The following PUM2 variants were observed in gnomAD, a reference collection of about 807,000 sequenced individuals.
PUM2 encodes pumilio homolog 2.
In PUM2, 57 loss-of-function variants were observed where a neutral mutation model predicts 124.5. The observed-to-expected ratio is 0.46, with a 90% CI of 0.37 to 0.57. The LOEUF is 0.57. PUM2 is among the 20% of genes least tolerant of loss of function. The pLI is 0.00. For synonymous variants in PUM2, 460 were observed against 446.1 expected (o/e 1.03, Z -0.39); for missense variants, 1,065 against 1,290.6 (o/e 0.83, Z 2.68).
intron 1 of PUM2, among the ~76,000 whole-genome samples, chr2:20,344,498 C>A: frequency 6.6e-6 from 1 of 152,172 alleles, no homozygotes; most frequent in East Asian, 1.9e-4. Context: ...CCTGGACTGT[C>A]CATATTAGAT....
chr2:20,348,127 A>G (rs1481902478), intron 1 of PUM2, among the ~76,000 whole-genome samples: 2 of 152,064 alleles, frequency 1.3e-5, no homozygotes, highest in African/African-American at 2.4e-5. Context: ...GTTTGAGACC[A>G]GCCTGGGCAA....
intron 7 of PUM2, among the ~76,000 whole-genome samples, chr2:20,305,891 G>GAACAAAA (rs1189237198): frequency 1.3e-5 from 2 of 152,100 alleles, no homozygotes; most frequent in Admixed American, 6.5e-5. Context: ...CAGTAAACTT[G>GAACAAAA]AACAAAAATA....
In PUM2 at chr2:20,311,477, GA is replaced by G. The variant is rs1400101423; in HGVS notation, c.518+16del. 6.3e-7 allele frequency: 1 copy of G among 1,593,130 alleles called. No individual in the cohort carries two copies. Among genetic ancestry groups the G allele is most frequent in the Admixed American group, 1.8e-5 (1 of 55,598 alleles). ...TAAAAAGATACGCTTTTCTTCTTGA[GA>G]AAGTTAAAATCTTACTTAAAATCTT... On this transcript the variant is annotated intron_variant, in intron 5 of 20. Coordinates refer to ENST00000361078, the MANE Select transcript of PUM2 (RefSeq NM_015317.5).
chr2:20,348,485 T>C (rs1303965216), intron 1 of PUM2, among the ~76,000 whole-genome samples: 1 of 152,186 alleles, frequency 6.6e-6, no homozygotes, highest in Non-Finnish European at 1.5e-5. Context: ...ACTATGCAGA[T>C]CATGTTAGGG....
At chr2:20,281,105 T>C (rs573643959) in intron 12 of PUM2, among the ~76,000 whole-genome samples, 1 of 152,216 alleles carries the variant, frequency 6.6e-6, no homozygotes, top group Admixed American at 6.5e-5. Flanking sequence ...TAAGAGTCCA[T>C]ATATATAGCA....
chr2:20,315,187 G>T (rs1360677793), intron 3 of PUM2, among the ~76,000 whole-genome samples: 1 of 151,246 alleles, frequency 6.6e-6, no homozygotes, highest in Non-Finnish European at 1.5e-5. Context: ...AGATGGAAGT[G>T]ATATTTCAGC....
At chr2:20,281,306 T>A (rs114373735) in intron 12 of PUM2, among the ~76,000 whole-genome samples, 2 of 152,194 alleles carry the variant, frequency 1.3e-5, no homozygotes, top group Non-Finnish European at 2.9e-5. Flanking sequence ...AAACAGGGCA[T>A]CTGTAGTGGA....
chr2:20,309,661 T>G (rs1010816553), intron 5 of PUM2, among the ~76,000 whole-genome samples: 2 of 152,188 alleles, frequency 1.3e-5, no homozygotes, highest in African/African-American at 4.8e-5. Context: ...AGAGTAACTA[T>G]GCATTCACAG....
At chr2:20,277,030 T>A (rs1469290290) in intron 13 of PUM2, among the ~76,000 whole-genome samples, 1 of 152,056 alleles carries the variant, frequency 6.6e-6, no homozygotes. Flanking sequence ...TAGAGACATC[T>A]AAAAAGTCAT....
rs760663971 is a variant in PUM2, at chr2:20,292,312, T to TC, written c.1153-1523dup. Among the ~76,000 whole-genome samples, 146 of 150,128 alleles carry TC rather than the reference T, an allele frequency of 9.7e-4. 2 individuals carry two copies. Among genetic ancestry groups the TC allele is most frequent in the African/African-American group, 3.4e-3 (137 of 40,838 alleles). On this transcript the variant is annotated intron_variant, in intron 9 of 20. Coordinates refer to ENST00000361078, the MANE Select transcript of PUM2 (RefSeq NM_015317.5). ...CAGTTGGTAGTTTTTTTTTTTTTTT[T>TC]CCCCAAAGATTTGTTTGGGAGTAGG...
At chr2:20,257,041 CTCAAAAAAAAA>C (rs1373149340) in intron 16 of PUM2, among the ~76,000 whole-genome samples, 4 of 53,800 alleles carry the variant, frequency 7.4e-5, no homozygotes, top group South Asian at 8.1e-4. Flanking sequence ...AAGATTCCGT[CTCAAAAAAAAA>C]AAAAAAAAAA....
chr2:20,297,741 A>G, intron 7 of PUM2, 63 bp from the exon 8 acceptor site: 1 of 1,535,792 alleles, frequency 6.5e-7, no homozygotes, highest in Non-Finnish European at 8.9e-7. Context: ...TTCATTAGAT[A>G]AAAACATTTC....
intron 7 of PUM2, among the ~76,000 whole-genome samples, chr2:20,307,588 T>C (rs1313226907): frequency 6.6e-6 from 1 of 152,124 alleles, no homozygotes; most frequent in African/African-American, 2.4e-5. Flanking sequence ...GTACCAAGCT[T>C]GAATTCTAGC....
chr2:20,293,426 T>G (rs369106880), intron 9 of PUM2, among the ~76,000 whole-genome samples: 1 of 152,190 alleles, frequency 6.6e-6, no homozygotes, highest in Non-Finnish European at 1.5e-5. Flanking sequence ...CAAAATATAT[T>G]ACCCGAGAGC....
rs115041103 is a variant in PUM2 at position 20,292,763 on chromosome 2, C to T, written c.1152+1613G>A. ...CTGACCAACATGGAGAAACCCTGTT[C>T]TCTATTAAAAATACAAAATTAGCCA... On this transcript the variant is annotated intron_variant, in intron 9 of 20. Transcript: ENST00000361078. Among the ~76,000 whole-genome samples, 1,073 of 152,168 alleles carry T rather than the reference C, an allele frequency of 7.1e-3. 18 individuals carry two copies. The highest frequency in any genetic ancestry group is 0.025 in the African/African-American group (1,035 of 41,536).
intron 2 of PUM2, among the ~76,000 whole-genome samples, chr2:20,319,645 T>G (rs1168638960): frequency 1.3e-5 from 2 of 152,204 alleles, no homozygotes; most frequent in Non-Finnish European, 2.9e-5. Flanking sequence ...TGTGTGTTTG[T>G]GTGTGTGACA....
intron 1 of PUM2, among the ~76,000 whole-genome samples, chr2:20,334,312 C>CA (rs1441513948): frequency 6.6e-6 from 1 of 151,868 alleles, no homozygotes; most frequent in South Asian, 2.1e-4. Context: ...GACTCTGTCT[C>CA]AAAAAAATTT....
intron 1 of PUM2, among the ~76,000 whole-genome samples, chr2:20,346,573 A>AGTGGT (rs1688281720): frequency 6.6e-6 from 1 of 152,220 alleles, no homozygotes; most frequent in Admixed American, 6.5e-5. Context: ...AACTGCCTAA[A>AGTGGT]GTCAGGGATC....
intron 3 of PUM2, 81 bp from the exon 4 acceptor site, chr2:20,312,504 G>A: frequency 8.0e-7 from 1 of 1,255,868 alleles, no homozygotes; most frequent in Admixed American, 2.6e-5. Flanking sequence ...ACTGAAGTAA[G>A]AAAAATCAGC....
Sources: allele counts gnomAD v4.1 joint callset (sites outside exome capture counted in the v4.1 genomes callset), GRCh38; gene constraint gnomAD v4.1.1; transcripts MANE v1.5; gene names NCBI Gene and HGNC (gene_info 2026-07-23, HGNC 2026-07-21).